Variants in FBXL2 observed in about 807,000 individuals in gnomAD.
FBXL2 encodes the protein F-box/LRR-repeat protein 2.
Under a neutral mutation model 69.2 loss-of-function variants are expected in FBXL2, and 38 were observed. The ratio of observed to expected loss-of-function variants is 0.55; its 90% CI spans 0.42 to 0.72. FBXL2 has a LOEUF of 0.72. Among genes scored for constraint, FBXL2 ranks in the 30% least tolerant of loss-of-function variants. The probability of loss-of-function intolerance (pLI) is 0.00; values close to 1 mark genes in which losing one functional copy is unlikely to be tolerated. For synonymous variants in FBXL2, 192 were observed against 201.3 expected (o/e 0.95, Z 0.39); for missense variants, 354 against 520.3 (o/e 0.68, Z 3.11).
chr3:33,279,464 T>A (rs2033721727), intron 1 of FBXL2, among the ~76,000 whole-genome samples: 1 of 152,022 alleles, frequency 6.6e-6, no homozygotes. Flanking sequence ...AGAGATGGGG[T>A]TTCACCATGT....
chr3:33,286,693 G>A (rs202208438), intron 1 of FBXL2, among the ~76,000 whole-genome samples: 2 of 152,218 alleles, frequency 1.3e-5, no homozygotes, highest in African/African-American at 4.8e-5. Flanking sequence ...CGCCCAGTTC[G>A]AGCTTCCCGG....
intron 12 of FBXL2, among the ~76,000 whole-genome samples, chr3:33,402,580 T>C (rs560088410): frequency 2.0e-5 from 3 of 152,258 alleles, no homozygotes; most frequent in East Asian, 3.9e-4. Context: ...ACAATTACCA[T>C]AGTTGTGACT....
chr3:33,392,635 C>CTT, downstream of FBXL2: 1 of 1,594,264 alleles, frequency 6.3e-7, no homozygotes, highest in Non-Finnish European at 8.5e-7. Context: ...AAAGTAAATG[C>CTT]GTAAGTACAA....
At chr3:33,404,882 T>C (rs1350898962), downstream of FBXL2, among the ~76,000 whole-genome samples, 1 of 152,202 alleles carries the variant, frequency 6.6e-6, no homozygotes, top group Non-Finnish European at 1.5e-5. Context: ...AAATTGCTCA[T>C]ATGTATAAAA....
the FBXL2 span, chr3:33,416,894 AT>A: frequency 7.5e-7 from 1 of 1,339,244 alleles, no homozygotes; most frequent in Admixed American, 1.8e-5. Context: ...TTTGCTTAAC[AT>A]AATTCAAAAT....
intron 2 of FBXL2, among the ~76,000 whole-genome samples, chr3:33,309,338 A>G (rs1427578612): frequency 2.0e-5 from 3 of 152,186 alleles, no homozygotes; most frequent in Non-Finnish European, 4.4e-5. Flanking sequence ...CTATTGATGA[A>G]TTGATCCCCT....
At chr3:33,392,755 C>T (rs980331480), downstream of FBXL2, 16 of 731,056 alleles carry the variant, frequency 2.2e-5, 1 homozygote, top group Non-Finnish European at 3.5e-5. Context: ...CAGTGTGAGG[C>T]AGCAAAGATG....
intron 13 of FBXL2, chr3:33,383,467 CTGT>C (rs1401934359): frequency 4.9e-4 from 78 of 160,108 alleles, no homozygotes; most frequent in African/African-American, 1.7e-3. Flanking sequence ...TCAGATCACA[CTGT>C]TCAAGGTCTA....
chr3:33,413,058 AG>A, the FBXL2 span, among the ~76,000 whole-genome samples: 4 of 152,216 alleles, frequency 2.6e-5, no homozygotes, highest in African/African-American at 9.6e-5. Flanking sequence ...ATGGTAACTT[AG>A]GTATTGATTT....
At chr3:33,383,336 C>T (rs1208321688) in intron 13 of FBXL2, 1 of 152,738 alleles carries the variant, frequency 6.5e-6, no homozygotes, top group African/African-American at 2.4e-5. Context: ...ACTGTCAGGT[C>T]TGAAACTGTT....
Position 33,343,611 on chromosome 3 carries a change from C to G in FBXL2, c.66-15356C>G, listed in dbSNP as rs187722395. Among the ~76,000 whole-genome samples, 280 of 152,152 alleles carry G rather than the reference C, an allele frequency of 1.8e-3. 2 individuals carry two copies. The highest frequency in any genetic ancestry group is 6.5e-3 in the African/African-American group (268 of 41,544). ...TTCTATTATTCAAATACTACAAACT[C>G]TTCAGCAGGACACCTAGTCATGTGT... On this transcript the variant is annotated intron_variant, in intron 2 of 14. Coordinates refer to ENST00000484457, the MANE Select transcript of FBXL2 (RefSeq NM_012157.5).
In FBXL2 at chr3:33,393,939, G is replaced by T. The variant is rs559194636; in HGVS notation, n.1214+8211G>T. 3.3e-5 allele frequency among the ~76,000 whole-genome samples: 5 copies of T among 152,206 alleles called. No individual in the cohort carries two copies. The East Asian group carries it at 5.8e-4, about 18-fold the overall frequency. ...TTATGGTATGTAAATTATGCCTGAA[G>T]AAAGCTGTTTTTAAAAATAATATAT... is the stretch of plus-strand genomic sequence containing the variant. On this transcript the variant is annotated intron_variant and non_coding_transcript_variant, in intron 12 of 12. Transcript: ENST00000463736.
At chr3:33,315,657 C>A (rs1212903569) in intron 2 of FBXL2, among the ~76,000 whole-genome samples, 1 of 151,892 alleles carries the variant, frequency 6.6e-6, no homozygotes, top group Non-Finnish European at 1.5e-5. Context: ...TAATTCTATT[C>A]TTGAGTTCTG....
At chr3:33,321,761 C>T (rs1340526232) in intron 2 of FBXL2, among the ~76,000 whole-genome samples, 1 of 152,142 alleles carries the variant, frequency 6.6e-6, no homozygotes, top group Non-Finnish European at 1.5e-5. Flanking sequence ...TGTTACTGTA[C>T]TGAATACTGT....
rs542878576 is a variant in FBXL2 at position 33,348,600 on chromosome 3, G to A, written c.66-10367G>A. Among the ~76,000 whole-genome samples, 5 of 151,960 alleles carry A rather than the reference G, an allele frequency of 3.3e-5. No individual in the cohort carries two copies. In the South Asian group the frequency reaches 1.0e-3, roughly 31 times the overall value. On this transcript the variant is annotated intron_variant, in intron 2 of 14. Coordinates refer to ENST00000484457, the MANE Select transcript of FBXL2 (RefSeq NM_012157.5). ...GCATTAAGTCTGTCATTTGCTTTGG[G>A]TAATATGGACATTTTAACAATATTG...
chr3:33,297,034 C>G (rs966451950), intron 1 of FBXL2, among the ~76,000 whole-genome samples: 5 of 151,988 alleles, frequency 3.3e-5, no homozygotes, highest in Non-Finnish European at 7.4e-5. Context: ...ACATGGATGT[C>G]TTTTGATTTA....
downstream of FBXL2, chr3:33,389,787 A>AC (rs1472266093): frequency 1.3e-5 from 2 of 154,186 alleles, no homozygotes; most frequent in African/African-American, 4.8e-5. Context: ...ACACCCTCAG[A>AC]CATGATTTCT....
chr3:33,344,818 A>G (rs2040316066), intron 2 of FBXL2, among the ~76,000 whole-genome samples: 1 of 152,210 alleles, frequency 6.6e-6, no homozygotes, highest in Non-Finnish European at 1.5e-5. Flanking sequence ...ACTAAAACTG[A>G]TTAAGAAAAG....
chr3:33,334,729 T>C (rs1043738124), intron 2 of FBXL2, among the ~76,000 whole-genome samples: 3 of 151,914 alleles, frequency 2.0e-5, no homozygotes, highest in African/African-American at 7.3e-5. Context: ...CACTATTAAA[T>C]TACTAGAAAC....
Sources: gnomAD v4.1 joint callset for allele counts (sites outside exome capture counted in the v4.1 genomes callset) on GRCh38, gnomAD v4.1.1 for gene constraint, MANE v1.5 for transcripts, NCBI Gene and HGNC (gene_info 2026-07-23, HGNC 2026-07-21) for gene names.